Variants in PREPL observed in about 807,000 individuals in gnomAD.
PREPL encodes prolyl endopeptidase like, also known as prolyl endopeptidase-like.
A neutral mutation model predicts 70.6 loss-of-function variants in PREPL; 77 were observed. That is an observed-to-expected ratio of 1.09 (90% CI 0.91 to 1.32). PREPL has a LOEUF of 1.32. Ranked by LOEUF, PREPL falls within the 40% of genes most tolerant of loss-of-function variation. The pLI, the probability that PREPL is intolerant of heterozygous loss-of-function variation, is 0.00. For missense variants in PREPL, 1,002 were observed against 778.2 expected, an observed-to-expected ratio of 1.29 and a Z score of -3.42; for synonymous variants, 315 against 264.8, an observed-to-expected ratio of 1.19 and a Z score of -1.84.
At chr2:44,335,072 G>GA (rs1446237538) in intron 7 of PREPL, among the ~76,000 whole-genome samples, 1 of 152,112 alleles carries the variant, frequency 6.6e-6, no homozygotes, top group Non-Finnish European at 1.5e-5. Flanking sequence ...GTACTAACCA[G>GA]AAAGATCAAG....
At chr2:44,350,130 T>C (rs1676258753) in intron 1 of PREPL, among the ~76,000 whole-genome samples, 1 of 152,152 alleles carries the variant, frequency 6.6e-6, no homozygotes, top group Admixed American at 6.5e-5. Flanking sequence ...TAGACAATGA[T>C]GATATGAGAC....
Position 44,326,704 on chromosome 2 carries a change from G to A in PREPL, c.1479+8C>T, listed in dbSNP as rs202009058. ...ATTCTATAAACAGTAGAGACAGAGC[G>A]TACTCACCTCCAAAGTCACCGCTCT... On this transcript the variant is annotated splice_region_variant and intron_variant, in intron 10 of 13. Coordinates refer to ENST00000409411, the MANE Select transcript of PREPL (RefSeq NM_001171613.2). The A allele has an allele frequency of 6.4e-4, 1,029 of 1,608,438 alleles. 10 individuals carry two copies. In the Middle Eastern group the frequency reaches 9.8e-3, roughly 15 times the overall value.
At chr2:44,343,243 A>C (rs1258818264) in intron 4 of PREPL, among the ~76,000 whole-genome samples, 1 of 152,240 alleles carries the variant, frequency 6.6e-6, no homozygotes, top group Non-Finnish European at 1.5e-5. Flanking sequence ...ACAAAATGTA[A>C]CATATGTACC....
intron 8 of PREPL, among the ~76,000 whole-genome samples, chr2:44,330,645 A>T: frequency 6.6e-6 from 1 of 152,186 alleles, no homozygotes; most frequent in East Asian, 1.9e-4. Context: ...GTCAGAGAAA[A>T]ATAAATGAAT....
rs1478026356 is a variant in PREPL, at chr2:44,319,316, AT to A, written c.*2039del. ...CTCTTATGAAGAATAATTTGGCATTATGTATCAAGTGCCCATACTCTTTGAC... is the reference window on the plus strand; with the variant it reads ...CTCTTATGAAGAATAATTTGGCATTAGTATCAAGTGCCCATACTCTTTGAC... On this transcript the variant is annotated 3_prime_UTR_variant, in exon 14 of 14. Transcript: ENST00000409411. The A allele has an allele frequency of 4.3e-4, 65 of 152,766 alleles. No individual in the cohort carries two copies. The highest frequency in any genetic ancestry group is 3.8e-3 in the Admixed American group (58 of 15,302). The allele number at this position is 152,766 out of a possible 1,614,324, so 9.5% of individuals were successfully genotyped here. A position where few individuals can be genotyped will look rare whatever the true frequency, so the allele number is the denominator to read the frequency against.
At chr2:44,324,307 A>G (rs1039745685) in intron 10 of PREPL, among the ~76,000 whole-genome samples, 1 of 152,188 alleles carries the variant, frequency 6.6e-6, no homozygotes, top group African/African-American at 2.4e-5. Flanking sequence ...TTAAGATGAA[A>G]AACGAGTTCT....
intron 5 of PREPL, among the ~76,000 whole-genome samples, chr2:44,342,016 G>C (rs1031081717): frequency 4.6e-5 from 7 of 152,210 alleles, no homozygotes; most frequent in African/African-American, 1.4e-4. Flanking sequence ...ACCTATCTAA[G>C]TATATACCAT....
intron 1 of PREPL, among the ~76,000 whole-genome samples, chr2:44,355,388 A>C (rs1324028605): frequency 6.6e-6 from 1 of 152,320 alleles, no homozygotes; most frequent in East Asian, 1.9e-4. Flanking sequence ...CTCTACTTAA[A>C]ATATAAAAAA....
intron 1 of PREPL, chr2:44,347,430 C>T (rs1307936174): frequency 6.6e-6 from 1 of 151,900 alleles, no homozygotes. Context: ...AAAGGAAGAA[C>T]CAGGAAAAAT....
chr2:44,323,020 G>C (rs1673136187), intron 11 of PREPL, among the ~76,000 whole-genome samples, 166 bp from the exon 12 acceptor site: 1 of 152,074 alleles, frequency 6.6e-6, no homozygotes, highest in Non-Finnish European at 1.5e-5. Flanking sequence ...TAGACTACTT[G>C]TTATCTGGAA....
intron 1 of PREPL, among the ~76,000 whole-genome samples, chr2:44,353,670 T>C (rs1410954284): frequency 6.6e-6 from 1 of 151,984 alleles, no homozygotes; most frequent in African/African-American, 2.4e-5. Flanking sequence ...GACAGACATA[T>C]ACAAAAATGA....
At chr2:44,330,625 C>T (rs960336443) in intron 8 of PREPL, among the ~76,000 whole-genome samples, 1 of 151,856 alleles carries the variant, frequency 6.6e-6, no homozygotes, top group African/African-American at 2.4e-5. Flanking sequence ...TTAATATTTA[C>T]TTAAAGATTG....
chr2:44,320,449 G>A lies in PREPL; in HGVS notation c.*907C>T. On this transcript the variant is annotated 3_prime_UTR_variant, in exon 14 of 14. Transcript: ENST00000409411. ...CCCGCTAAAATGAGAATAAGGTTAAGTACCAATTCTGCCGACAAAGGCAGT... is the reference window on the plus strand; with the variant it reads ...CCCGCTAAAATGAGAATAAGGTTAAATACCAATTCTGCCGACAAAGGCAGT... The A allele has an allele frequency of 6.2e-7, 1 of 1,614,118 alleles. No individual in the cohort carries two copies. The highest frequency in any genetic ancestry group is 8.5e-7 in the Non-Finnish European group (1 of 1,179,970).
intron 1 of PREPL, among the ~76,000 whole-genome samples, chr2:44,348,449 C>G (rs753368270): frequency 1.2e-4 from 19 of 152,112 alleles, no homozygotes; most frequent in Non-Finnish European, 2.4e-4. Flanking sequence ...CTGTAATTTC[C>G]ATTAAAACTT....
In PREPL at chr2:44,339,286, A is replaced by G. The variant is rs1002824056; in HGVS notation, c.563T>C (p.Val188Ala). 4 of 1,614,066 alleles carry G rather than the reference A, an allele frequency of 2.5e-6. No homozygotes were observed. In the Admixed American group the frequency reaches 5.0e-5, roughly 20 times the overall value. ...AGGGCTCAGGCCATCTATCAACCAC[A>G]CTTCAGAAGTAGTCTTGTTCATAAT... ...INIMNKTTSE[V>A]WLIDGLSPWD... The change falls in exon 6 of 14, where the codon GTG becomes GCG. Residue 188 changes from valine to alanine, a missense_variant. Transcript: ENST00000409411.
At chr2:44,356,622 A>C (rs2104221066) in intron 1 of PREPL, among the ~76,000 whole-genome samples, 1 of 152,302 alleles carries the variant, frequency 6.6e-6, no homozygotes, top group South Asian at 2.1e-4. Context: ...ATGTGGGGTG[A>C]GATCCAGGAA....
At chr2:44,323,952 G>T (rs1041864936) in intron 10 of PREPL, among the ~76,000 whole-genome samples, 2 of 152,268 alleles carry the variant, frequency 1.3e-5, no homozygotes, top group South Asian at 2.1e-4. Flanking sequence ...TGAAAGCAGG[G>T]TCTTAAAGAG....
At chr2:44,361,028 T>TA (rs1178279683) in intron 1 of PREPL, among the ~76,000 whole-genome samples, 11 of 151,518 alleles carry the variant, frequency 7.3e-5, no homozygotes, top group South Asian at 6.3e-4. Flanking sequence ...CCGACACTAG[T>TA]AAAAAAAGGG....
Position 44,320,357 on chromosome 2 carries a change from C to T in PREPL, c.*999G>A, listed in dbSNP as rs1672823157. ...GAGAGCTGGATGGCATCGACAGAAT[C>T]TTTATCGTGGTTCTGAATTTTGGAG... On this transcript the variant is annotated 3_prime_UTR_variant, in exon 14 of 14. Coordinates refer to ENST00000409411, the MANE Select transcript of PREPL (RefSeq NM_001171613.2). 6.2e-7 allele frequency: 1 copy of T among 1,613,988 alleles called. No homozygotes were observed. The highest frequency in any genetic ancestry group is 1.7e-5 in the Admixed American group (1 of 59,992).
Sources: gnomAD v4.1 joint callset for allele counts (sites outside exome capture counted in the v4.1 genomes callset) on GRCh38, gnomAD v4.1.1 for gene constraint, MANE v1.5 for transcripts, NCBI Gene and HGNC (gene_info 2026-07-23, HGNC 2026-07-21) for gene names.